MPPED2: variants seen among roughly 807,000 people sequenced by gnomAD.
MPPED2 encodes metallophosphoesterase domain containing 2.
In MPPED2, 5 loss-of-function variants were observed where a neutral mutation model predicts 33.0. The observed-to-expected ratio is 0.15, with a 90% CI of 0.08 to 0.32. The LOEUF is 0.32. Among genes scored for constraint, MPPED2 ranks in the 10% least tolerant of loss-of-function variants. The pLI is 1.00. For synonymous variants in MPPED2, 136 were observed against 141.9 expected (o/e 0.96, Z 0.29); for missense variants, 275 against 372.1 (o/e 0.74, Z 2.15).
chr11:30,560,421 AGTT>A (rs1445101187), intron 2 of MPPED2, among the ~76,000 whole-genome samples: 12 of 152,150 alleles, frequency 7.9e-5, no homozygotes, highest in African/African-American at 2.4e-5. Context: ...AGTAAGCAGA[AGTT>A]GTCACAAACG....
rs532457935 is a variant in MPPED2 at position 30,431,052 on chromosome 11, A to G, written c.537-13419T>C. On this transcript the variant is annotated intron_variant, in intron 4 of 6. Coordinates refer to ENST00000358117, the MANE Select transcript of MPPED2 (RefSeq NM_001584.3). Reference sequence around the variant, plus strand: ...AATATATATATGCAAGGTGAGATGAACACACCTAAGTTTTCCGAAGCTAAG... The same window carrying G: ...AATATATATATGCAAGGTGAGATGAGCACACCTAAGTTTTCCGAAGCTAAG... 2.6e-5 allele frequency among the ~76,000 whole-genome samples: 4 copies of G among 152,364 alleles called. No individual in the cohort carries two copies. In the East Asian group the frequency reaches 7.7e-4, roughly 29 times the overall value.
intron 4 of MPPED2, among the ~76,000 whole-genome samples, chr11:30,475,096 T>C (rs914764190): frequency 6.6e-6 from 1 of 152,206 alleles, no homozygotes. Flanking sequence ...AATTGGGTTG[T>C]TTTGTTTAAG....
rs543719361 is a variant in MPPED2, at chr11:30,459,886, T to C, written c.536+35410A>G. 2.0e-5 allele frequency among the ~76,000 whole-genome samples: 3 copies of C among 152,212 alleles called. No individual in the cohort carries two copies. In the South Asian group the frequency reaches 6.2e-4, roughly 32 times the overall value. ...TGTTTTCAGAAAGCCAAACTGACACTCTTTTTTTCCAAAAATGAAAGGAAA... is the reference window on the plus strand; with the variant it reads ...TGTTTTCAGAAAGCCAAACTGACACCCTTTTTTTCCAAAAATGAAAGGAAA... On this transcript the variant is annotated intron_variant, in intron 4 of 6. Coordinates refer to ENST00000358117, the MANE Select transcript of MPPED2 (RefSeq NM_001584.3).
chr11:30,469,488 G>T (rs549701597), intron 4 of MPPED2, among the ~76,000 whole-genome samples: 1 of 152,080 alleles, frequency 6.6e-6, no homozygotes, highest in Non-Finnish European at 1.5e-5. Flanking sequence ...TCTCAGAATC[G>T]GAGATGTAGC....
intron 4 of MPPED2, among the ~76,000 whole-genome samples, chr11:30,431,088 G>A (rs1370850447): frequency 3.3e-5 from 5 of 152,182 alleles, no homozygotes; most frequent in Admixed American, 6.5e-5. Flanking sequence ...AAATGGCTGC[G>A]AAAAATGTGA....
chr11:30,475,076 T>C (rs1328114253), intron 4 of MPPED2, among the ~76,000 whole-genome samples: 1 of 152,202 alleles, frequency 6.6e-6, no homozygotes, highest in Non-Finnish European at 1.5e-5. Flanking sequence ...TGGATAGATA[T>C]GAAATCTAGA....
intron 3 of MPPED2, among the ~76,000 whole-genome samples, chr11:30,519,548 A>T (rs1953735773): frequency 6.6e-6 from 1 of 152,008 alleles, no homozygotes; most frequent in South Asian, 2.1e-4. Flanking sequence ...AATCATAAAA[A>T]ATGATGTTAA....
chr11:30,452,699 T>C (rs1320592793), intron 4 of MPPED2, among the ~76,000 whole-genome samples: 5 of 152,208 alleles, frequency 3.3e-5, no homozygotes, highest in African/African-American at 1.2e-4. Flanking sequence ...CAGATCTGTA[T>C]CCTTTTCTTG....
downstream of MPPED2, among the ~76,000 whole-genome samples, chr11:30,406,454 C>T (rs916534686): frequency 1.3e-5 from 2 of 152,062 alleles, no homozygotes; most frequent in Non-Finnish European, 2.9e-5. Flanking sequence ...TACTGGGGCA[C>T]CAGGGAAGAT....
At chr11:30,451,992 C>A (rs1251485182) in intron 4 of MPPED2, 1 of 985,362 alleles carries the variant, frequency 1.0e-6, no homozygotes, top group Non-Finnish European at 1.2e-6. Flanking sequence ...AGGAGGGAGC[C>A]GTAAAACGAT....
chr11:30,420,773 CTT>C (rs1464708204), intron 4 of MPPED2, among the ~76,000 whole-genome samples: 2 of 152,158 alleles, frequency 1.3e-5, no homozygotes, highest in Non-Finnish European at 2.9e-5. Flanking sequence ...CTTTCTCTCT[CTT>C]GTCCTTTAAG....
intron 2 of MPPED2, among the ~76,000 whole-genome samples, chr11:30,552,797 T>C (rs895765928): frequency 6.6e-6 from 1 of 152,202 alleles, no homozygotes; most frequent in African/African-American, 2.4e-5. Context: ...ACAAGATTTC[T>C]AGACACACAG....
At chr11:30,582,161 G>A (rs1430421250) in intron 1 of MPPED2, among the ~76,000 whole-genome samples, 1 of 152,090 alleles carries the variant, frequency 6.6e-6, no homozygotes, top group Non-Finnish European at 1.5e-5. Context: ...TCAAATTGCA[G>A]TCCTGTTCTA....
rs139058480 is a variant in MPPED2 at position 30,458,728 on chromosome 11, A to C, written c.536+36568T>G. On this transcript the variant is annotated intron_variant, in intron 4 of 6. Coordinates refer to ENST00000358117, the MANE Select transcript of MPPED2 (RefSeq NM_001584.3). ...GTGCCAATTTCCTGCTCTACCACCA[A>C]AGGTTCTGATTCATGTCTAAGAAGG... Among the ~76,000 whole-genome samples the C allele has an allele frequency of 2.6e-5, 4 of 152,184 alleles. No individual in the cohort carries two copies. In the East Asian group the frequency reaches 7.7e-4, roughly 29 times the overall value.
At chr11:30,558,221 C>G (rs1196550404) in intron 2 of MPPED2, among the ~76,000 whole-genome samples, 1 of 152,064 alleles carries the variant, frequency 6.6e-6, no homozygotes, top group Non-Finnish European at 1.5e-5. Context: ...AAAGAAAAGT[C>G]TGGCTGAGTG....
At chr11:30,490,736 G>A (rs1473173763) in intron 4 of MPPED2, among the ~76,000 whole-genome samples, 1 of 152,162 alleles carries the variant, frequency 6.6e-6, no homozygotes, top group African/African-American at 2.4e-5. Flanking sequence ...CTGTTAAACT[G>A]TAAATTAGAA....
chr11:30,482,560 T>C (rs1951536535), intron 4 of MPPED2, among the ~76,000 whole-genome samples: 1 of 152,196 alleles, frequency 6.6e-6, no homozygotes, highest in African/African-American at 2.4e-5. Context: ...TATTTAACTA[T>C]TTCCCTTTCA....
intron 2 of MPPED2, among the ~76,000 whole-genome samples, chr11:30,551,292 T>C (rs913542191): frequency 1.3e-5 from 2 of 152,224 alleles, no homozygotes; most frequent in Admixed American, 1.3e-4. Flanking sequence ...GTAGGTATTA[T>C]TAATCCCATT....
At chr11:30,400,264 G>A (rs1246419488) in intron 6 of MPPED2, among the ~76,000 whole-genome samples, 5 of 152,018 alleles carry the variant, frequency 3.3e-5, no homozygotes, top group African/African-American at 1.2e-4. Flanking sequence ...TTTTAGAGAT[G>A]GGGGTTTTGC....
Sources: gnomAD v4.1 joint callset for allele counts (sites outside exome capture counted in the v4.1 genomes callset) on GRCh38, gnomAD v4.1.1 for gene constraint, MANE v1.5 for transcripts, NCBI Gene and HGNC (gene_info 2026-07-23, HGNC 2026-07-21) for gene names.